The following ERC2 variants were observed in gnomAD, a reference collection of about 807,000 sequenced individuals.
ERC2 encodes the protein ELKS/RAB6-interacting/CAST family member 2, also known as ERC protein 2.
ERC2 carries 42 observed loss-of-function variants against 114.8 expected under a neutral mutation model. The observed-to-expected ratio is 0.37, with a 90% CI of 0.29 to 0.47. ERC2 has a LOEUF of 0.47. ERC2 is among the 20% of genes least tolerant of loss of function. ERC2 has a pLI of 0.99. For synonymous variants in ERC2, 454 were observed against 425.5 expected (o/e 1.07, Z -0.82); for missense variants, 939 against 1,150.7 (o/e 0.82, Z 2.66).
intron 7 of ERC2, among the ~76,000 whole-genome samples, chr3:56,032,953 AAGAAACAG>A (rs2074504262): frequency 2.6e-5 from 2 of 76,896 alleles, no homozygotes; most frequent in East Asian, 3.8e-4. Context: ...GAAAGAAAGA[AAGAAACAG>A]AAAGAAAGAA....
chr3:56,172,170 T>C lies in ERC2; in HGVS notation c.1149+1276A>G, dbSNP rs146158079. On this transcript the variant is annotated intron_variant, in intron 4 of 17. Coordinates refer to ENST00000288221, the MANE Select transcript of ERC2 (RefSeq NM_015576.3). ...GTTTCTTTTCAAAATGTTTAAATTA[T>C]ATAAGTTTAAAACAACTGATGAGCC... is the stretch of plus-strand genomic sequence containing the variant. Among the ~76,000 whole-genome samples the C allele has an allele frequency of 2.4e-3, 366 of 152,194 alleles. 1 individual carries two copies. Among genetic ancestry groups the C allele is most frequent in the Non-Finnish European group, 4.2e-3 (283 of 67,996 alleles).
At chr3:55,546,754 G>GA (rs2054780925) in intron 17 of ERC2, among the ~76,000 whole-genome samples, 1 of 152,210 alleles carries the variant, frequency 6.6e-6, no homozygotes, top group Admixed American at 6.5e-5. Flanking sequence ...GAGGAAGGAA[G>GA]ATGTGTGCAA....
chr3:56,179,885 A>G (rs1438812884), intron 3 of ERC2, among the ~76,000 whole-genome samples: 2 of 152,170 alleles, frequency 1.3e-5, no homozygotes, highest in Non-Finnish European at 1.5e-5. Flanking sequence ...AACTACAATG[A>G]CAACTTTGGG....
In ERC2 at chr3:55,802,606, A is replaced by T. The variant is rs1243304448; in HGVS notation, c.2565-67688T>A. Among the ~76,000 whole-genome samples the T allele has an allele frequency of 2.0e-5, 3 of 152,358 alleles. No homozygotes were observed. In the East Asian group the frequency reaches 5.8e-4, roughly 29 times the overall value. On this transcript the variant is annotated intron_variant, in intron 14 of 17. Transcript: ENST00000288221. ...AGTAAGGAAGAAATATTTGGTTTTCATGGTTACCTACAAAAGTTTATTGAG... is the reference window on the plus strand; with the variant it reads ...AGTAAGGAAGAAATATTTGGTTTTCTTGGTTACCTACAAAAGTTTATTGAG...
At chr3:56,010,826 C>T (rs921202459) in intron 8 of ERC2, among the ~76,000 whole-genome samples, 1 of 152,162 alleles carries the variant, frequency 6.6e-6, no homozygotes, top group Non-Finnish European at 1.5e-5. Context: ...TGCAAAGGAA[C>T]GTAATGTTCA....
chr3:55,723,383 T>C (rs374422614), intron 15 of ERC2, among the ~76,000 whole-genome samples: 1 of 152,180 alleles, frequency 6.6e-6, no homozygotes, highest in East Asian at 1.9e-4. Flanking sequence ...ATAAAAGATG[T>C]ATCTCTATGC....
chr3:56,437,911 G>T (rs1199873275), intron 1 of ERC2, among the ~76,000 whole-genome samples: 1 of 152,208 alleles, frequency 6.6e-6, no homozygotes, highest in Non-Finnish European at 1.5e-5. Flanking sequence ...TCACACTGTT[G>T]TAAAACACAC....
At chr3:56,251,774 G>A (rs2052171824) in intron 3 of ERC2, among the ~76,000 whole-genome samples, 1 of 152,130 alleles carries the variant, frequency 6.6e-6, no homozygotes. Flanking sequence ...AACCTATATT[G>A]GAAATCTCTA....
At chr3:56,393,944 CA>C (rs766363769) in intron 2 of ERC2, among the ~76,000 whole-genome samples, 504 of 137,364 alleles carry the variant, frequency 3.7e-3, no homozygotes, top group Middle Eastern at 7.3e-3. Context: ...AAGCTACAGC[CA>C]AAAAAAAAAA....
At chr3:55,955,241 G>A in intron 12 of ERC2, 4 of 451,078 alleles carry the variant, frequency 8.9e-6, no homozygotes, top group East Asian at 1.3e-4. Flanking sequence ...ACTGTATGGT[G>A]GTGTGTTTGT....
At position 55,886,240 on chromosome 3, in the gene ERC2, A is replaced by G. The variant is rs1178822584; in HGVS notation, c.2564+2149T>C. On this transcript the variant is annotated intron_variant, in intron 14 of 17. Transcript: ENST00000288221. Reference sequence around the variant, plus strand: ...TGGCTATTGTTGATAAATTATTTTTATTCTATACTACATTTATTATGGAAA... The same window carrying G: ...TGGCTATTGTTGATAAATTATTTTTGTTCTATACTACATTTATTATGGAAA... Among the ~76,000 whole-genome samples, 3 of 152,208 alleles carry G rather than the reference A, an allele frequency of 2.0e-5. No individual in the cohort carries two copies. The East Asian group carries it at 5.8e-4, about 29-fold the overall frequency.
chr3:55,917,241 G>C (rs2065151158), intron 13 of ERC2, among the ~76,000 whole-genome samples: 1 of 152,082 alleles, frequency 6.6e-6, no homozygotes, highest in African/African-American at 2.4e-5. Context: ...TTTCTAACAA[G>C]ATTTTTGCAA....
intron 13 of ERC2, among the ~76,000 whole-genome samples, chr3:55,926,188 T>C (rs2065735906): frequency 6.6e-6 from 1 of 152,094 alleles, no homozygotes; most frequent in Non-Finnish European, 1.5e-5. Flanking sequence ...ATGGAATTGT[T>C]GAAGATTTGA....
chr3:56,384,029 G>A (rs1456009076), intron 2 of ERC2, among the ~76,000 whole-genome samples: 2 of 152,028 alleles, frequency 1.3e-5, no homozygotes, highest in Non-Finnish European at 2.9e-5. Flanking sequence ...ATGTGTCAGA[G>A]TTTCCTTTTT....
At chr3:55,565,867 C>CA (rs2056335738) in intron 17 of ERC2, among the ~76,000 whole-genome samples, 1 of 152,238 alleles carries the variant, frequency 6.6e-6, no homozygotes, top group Non-Finnish European at 1.5e-5. Context: ...TGCACAGGCA[C>CA]ATTCAATAGC....
chr3:56,276,891 T>C (rs1291686488), intron 3 of ERC2, among the ~76,000 whole-genome samples: 1 of 152,168 alleles, frequency 6.6e-6, no homozygotes, highest in Non-Finnish European at 1.5e-5. Flanking sequence ...TTTACAAATT[T>C]TGGGGGGCCA....
Position 55,947,631 on chromosome 3 carries a change from G to A in ERC2, c.2403+2794C>T, listed in dbSNP as rs189896411. ...TGACACCTGGCCTCAGAATGAACAC[G>A]TGTAACAGAGCTGCCCCAGGCACCA... On this transcript the variant is annotated intron_variant, in intron 13 of 17. Coordinates refer to ENST00000288221, the MANE Select transcript of ERC2 (RefSeq NM_015576.3). Among the ~76,000 whole-genome samples, 959 of 152,268 alleles carry A rather than the reference G, an allele frequency of 6.3e-3. 10 individuals are homozygous for A. Among genetic ancestry groups the A allele is most frequent in the African/African-American group, 0.022 (898 of 41,538 alleles).
intron 3 of ERC2, among the ~76,000 whole-genome samples, chr3:56,212,661 T>C (rs1269589396): frequency 6.6e-6 from 1 of 152,192 alleles, no homozygotes; most frequent in Non-Finnish European, 1.5e-5. Flanking sequence ...CACACGTTTA[T>C]AGCGGCACAA....
rs528350342 is a variant in ERC2 at position 55,682,212 on chromosome 3, G to A, written c.*39+1582C>T. Among the ~76,000 whole-genome samples the A allele has an allele frequency of 2.0e-5, 3 of 152,304 alleles. No homozygotes were observed. In the South Asian group the frequency reaches 6.2e-4, roughly 32 times the overall value. On this transcript the variant is annotated intron_variant, in intron 17 of 17. Transcript: ENST00000288221. ...TCTTAATATTTTCCCTACATAGGGA[G>A]AGAGTTGCTCCCATAGACATCCAGA...
Sources: gnomAD v4.1 joint callset for allele counts (sites outside exome capture counted in the v4.1 genomes callset) on GRCh38, gnomAD v4.1.1 for gene constraint, MANE v1.5 for transcripts, NCBI Gene and HGNC (gene_info 2026-07-23, HGNC 2026-07-21) for gene names.